The following ADAM23 variants were observed in gnomAD, a reference collection of about 807,000 sequenced individuals.
The protein encoded by ADAM23 is ADAM metallopeptidase domain 23.
ADAM23 carries 33 observed loss-of-function variants against 120.1 expected under a neutral mutation model. The ratio of observed to expected loss-of-function variants is 0.27; its 90% CI spans 0.21 to 0.37. ADAM23 has a LOEUF of 0.37. ADAM23 is among the 10% of genes least tolerant of loss of function. The pLI is 1.00. For missense variants in ADAM23, 862 were observed against 1,058.2 expected, an observed-to-expected ratio of 0.81 and a Z score of 2.57; for synonymous variants, 367 against 375.2, an observed-to-expected ratio of 0.98 and a Z score of 0.25.
chr2:206,534,879 G>A (rs1056989463), intron 4 of ADAM23, among the ~76,000 whole-genome samples: 1 of 151,956 alleles, frequency 6.6e-6, no homozygotes, highest in Non-Finnish European at 1.5e-5. Flanking sequence ...CTATTCCGTT[G>A]CTCATTCTTG....
At chr2:206,444,111 C>T in intron 1 of ADAM23, 31 bp downstream of exon 1, 1 of 1,263,874 alleles carries the variant, frequency 7.9e-7, no homozygotes, top group Non-Finnish European at 1.0e-6. Context: ...TTTGCGTTGG[C>T]TTTCCCGCGG....
At chr2:206,473,941 G>T (rs1193237286) in intron 2 of ADAM23, among the ~76,000 whole-genome samples, 1 of 151,054 alleles carries the variant, frequency 6.6e-6, no homozygotes, top group African/African-American at 2.4e-5. Flanking sequence ...TCAGCTAGGA[G>T]GTCAAGGCTG....
intron 4 of ADAM23, 43 bp from the exon 5 acceptor site, chr2:206,542,009 A>G: frequency 6.3e-7 from 1 of 1,593,800 alleles, no homozygotes; most frequent in Non-Finnish European, 8.6e-7. Flanking sequence ...AGAATTAATC[A>G]TAATGCATAA....
At chr2:206,559,134 C>T (rs932501419) in intron 10 of ADAM23, among the ~76,000 whole-genome samples, 6 of 152,066 alleles carry the variant, frequency 3.9e-5, no homozygotes, top group African/African-American at 9.7e-5. Context: ...TTAGTAGAGA[C>T]GGGGTTTCAC....
intron 3 of ADAM23, among the ~76,000 whole-genome samples, chr2:206,502,075 G>A (rs1306581290): frequency 1.3e-5 from 2 of 152,018 alleles, no homozygotes; most frequent in Admixed American, 6.6e-5. Flanking sequence ...AACTTCCTTT[G>A]CCTTGATTTG....
At chr2:206,573,019 G>C in intron 17 of ADAM23, 96 bp from the exon 18 acceptor site, 1 of 1,206,626 alleles carries the variant, frequency 8.3e-7, no homozygotes, top group South Asian at 1.2e-5. Flanking sequence ...TGTTAGTTAT[G>C]CGAGAGTATA....
intron 2 of ADAM23, among the ~76,000 whole-genome samples, chr2:206,478,143 G>A (rs60334146): frequency 0.043 from 6,484 of 151,696 alleles, 469 homozygotes; most frequent in African/African-American, 0.15. Flanking sequence ...ATTTATTTTG[G>A]TATAGAGAAG....
chr2:206,570,289 TA>T (rs1312455562), intron 15 of ADAM23, among the ~76,000 whole-genome samples: 1 of 152,232 alleles, frequency 6.6e-6, no homozygotes, highest in East Asian at 1.9e-4. Context: ...TACTTGATTG[TA>T]CATATCACAT....
intron 19 of ADAM23, 115 bp downstream of exon 19, chr2:206,587,490 T>C: frequency 1.4e-6 from 1 of 731,242 alleles, no homozygotes; most frequent in Non-Finnish European, 2.2e-6. Context: ...TCAAGTAAAT[T>C]ATTATAGTGG....
intron 2 of ADAM23, among the ~76,000 whole-genome samples, chr2:206,469,779 G>C (rs1227256494): frequency 6.6e-6 from 1 of 152,022 alleles, no homozygotes; most frequent in African/African-American, 2.4e-5. Flanking sequence ...CCTTTTTATT[G>C]CTATTCTTTG....
At chr2:206,448,479 G>C (rs1207146) in intron 2 of ADAM23, among the ~76,000 whole-genome samples, 105,258 of 152,052 alleles carry the variant, frequency 0.69, 37,006 homozygotes, top group African/African-American at 0.77. Flanking sequence ...TTCGAAGACC[G>C]TTGGAATCTC....
At chr2:206,561,090 A>G in intron 11 of ADAM23, 38 bp from the exon 12 acceptor site, 1 of 1,580,424 alleles carries the variant, frequency 6.3e-7, no homozygotes, top group Non-Finnish European at 8.7e-7. Context: ...ATGATGGTCC[A>G]CCACGTTGGT....
intron 18 of ADAM23, among the ~76,000 whole-genome samples, chr2:206,574,079 T>C (rs1385639489): frequency 6.6e-6 from 1 of 152,194 alleles, no homozygotes; most frequent in African/African-American, 2.4e-5. Context: ...GATTTCTTGT[T>C]ATGAATGCAC....
intron 25 of ADAM23, among the ~76,000 whole-genome samples, chr2:206,615,569 G>A (rs1023830128): frequency 6.6e-6 from 1 of 152,172 alleles, no homozygotes; most frequent in Non-Finnish European, 1.5e-5. Context: ...ATCGCAGTGT[G>A]GCCTCCCTTG....
chr2:206,600,401 A>C (rs921086541), intron 24 of ADAM23, among the ~76,000 whole-genome samples: 2 of 152,172 alleles, frequency 1.3e-5, no homozygotes, highest in African/African-American at 2.4e-5. Context: ...AAAAATACTT[A>C]GTTTTATTTA....
At chr2:206,514,185 G>A (rs186919713) in intron 3 of ADAM23, among the ~76,000 whole-genome samples, 9 of 152,298 alleles carry the variant, frequency 5.9e-5, no homozygotes, top group Admixed American at 3.9e-4. Context: ...ATTTTGTAAA[G>A]TGATAGTTGC....
chr2:206,548,458 G>A, intron 8 of ADAM23, 104 bp downstream of exon 8: 1 of 1,105,272 alleles, frequency 9.0e-7, no homozygotes, highest in Non-Finnish European at 1.3e-6. Context: ...CAGATTTTGG[G>A]GACTGTTGTT....
intron 24 of ADAM23, among the ~76,000 whole-genome samples, chr2:206,609,065 C>T (rs1698782149): frequency 1.3e-5 from 2 of 152,128 alleles, no homozygotes; most frequent in Admixed American, 6.5e-5. Flanking sequence ...GAGGAGTGAG[C>T]GAGTGGACAG....
rs1284477681 is a variant in ADAM23, at chr2:206,562,071, A to G, written c.1255-132A>G. The stretch of plus-strand genomic sequence containing the variant: ...TTGTAAAGAGGAGGTGAGAAGTAGC[A>G]TATGCCATCTTAAGATACTGACAGG... On this transcript the variant is annotated intron_variant, in intron 12 of 25. Transcript: ENST00000264377. 3 of 675,466 alleles carry G rather than the reference A, an allele frequency of 4.4e-6. No individual in the cohort carries two copies. The African/African-American group carries it at 5.3e-5, about 12-fold the overall frequency. 41.8% of individuals were successfully genotyped at this position (675,466 alleles called of 1,614,324 possible). A position where few individuals can be genotyped will look rare whatever the true frequency, so the allele number is the denominator to read the frequency against.
Sources: allele counts gnomAD v4.1 joint callset (sites outside exome capture counted in the v4.1 genomes callset), GRCh38; gene constraint gnomAD v4.1.1; transcripts MANE v1.5; gene names NCBI Gene and HGNC (gene_info 2026-07-23, HGNC 2026-07-21).